Variants in ZMAT4 observed in about 807,000 individuals in gnomAD.
ZMAT4 encodes the protein zinc finger matrin-type 4.
In ZMAT4, 17 loss-of-function variants were observed where a neutral mutation model predicts 28.7. The observed-to-expected ratio is 0.59, with a 90% confidence interval of 0.41 to 0.89. The LOEUF (loss-of-function observed/expected upper bound fraction) is 0.89, where lower values mean the gene tolerates loss of function less well. Ranked by LOEUF, ZMAT4 falls within the 40% of genes least tolerant of loss-of-function variation. The pLI, the probability that ZMAT4 is intolerant of heterozygous loss-of-function variation, is 0.00. For missense variants in ZMAT4, 240 were observed against 283.8 expected (o/e 0.85, Z 1.11); for synonymous variants, 117 against 109.2 (o/e 1.07, Z -0.44).
intron 5 of ZMAT4, among the ~76,000 whole-genome samples, chr8:40,660,740 C>T (rs1354570498): frequency 6.6e-6 from 1 of 152,126 alleles, no homozygotes; most frequent in African/African-American, 2.4e-5. Flanking sequence ...CTTGGGGAAA[C>T]ATTTACATAA....
At chr8:40,884,538 A>C (rs72632903) in intron 1 of ZMAT4, 31,520 of 151,924 alleles carry the variant, frequency 0.21, 3,385 homozygotes, top group African/African-American at 0.24. Flanking sequence ...CCTCATCCTC[A>C]ACCAAAGTGC....
At chr8:40,787,007 C>T (rs1174980903) in intron 2 of ZMAT4, among the ~76,000 whole-genome samples, 2 of 152,078 alleles carry the variant, frequency 1.3e-5, no homozygotes, top group African/African-American at 4.8e-5. Flanking sequence ...AAGAGTGGTA[C>T]ATAAATTAAT....
chr8:40,563,132 A>G (rs1803801673), intron 6 of ZMAT4, among the ~76,000 whole-genome samples: 1 of 152,074 alleles, frequency 6.6e-6, no homozygotes, highest in Non-Finnish European at 1.5e-5. Context: ...CGGCATCTTC[A>G]TCTGAATGTT....
At chr8:40,875,372 G>C (rs1472916221) in intron 1 of ZMAT4, among the ~76,000 whole-genome samples, 5 of 152,098 alleles carry the variant, frequency 3.3e-5, no homozygotes, top group Non-Finnish European at 7.3e-5. Context: ...CGCATGTTGA[G>C]GGGGAGACAA....
At chr8:40,891,381 C>T (rs1371285544) in intron 1 of ZMAT4, among the ~76,000 whole-genome samples, 5 of 150,706 alleles carry the variant, frequency 3.3e-5, no homozygotes, top group Non-Finnish European at 7.4e-5. Context: ...CTTGGGTTCT[C>T]TCCATGGGCC....
intron 1 of ZMAT4, among the ~76,000 whole-genome samples, chr8:40,859,247 A>C (rs543859055): frequency 1.3e-5 from 2 of 152,298 alleles, no homozygotes; most frequent in South Asian, 2.1e-4. Flanking sequence ...CATCCCAGGT[A>C]GCTCTCCCTT....
intron 1 of ZMAT4, among the ~76,000 whole-genome samples, chr8:40,864,064 G>A (rs1242984430): frequency 1.3e-5 from 2 of 152,212 alleles, no homozygotes; most frequent in Non-Finnish European, 2.9e-5. Flanking sequence ...CTGATTCCCG[G>A]ATTAAATAAC....
intron 3 of ZMAT4, among the ~76,000 whole-genome samples, chr8:40,733,124 A>T (rs539275448): frequency 2.0e-5 from 3 of 152,076 alleles, no homozygotes; most frequent in African/African-American, 7.2e-5. Context: ...GCAAAACCCA[A>T]CATGTTTGGC....
At chr8:40,553,966 G>T (rs182526657) in intron 6 of ZMAT4, among the ~76,000 whole-genome samples, 1 of 151,972 alleles carries the variant, frequency 6.6e-6, no homozygotes, top group Non-Finnish European at 1.5e-5. Flanking sequence ...GACTCTCAAG[G>T]GTGAAAGAAA....
chr8:40,536,993 A>C (rs2118361177), intron 6 of ZMAT4, among the ~76,000 whole-genome samples: 1 of 152,298 alleles, frequency 6.6e-6, no homozygotes, highest in East Asian at 1.9e-4. Flanking sequence ...TGTTCTCTGC[A>C]TGTTGATAGC....
intron 5 of ZMAT4, among the ~76,000 whole-genome samples, chr8:40,646,883 T>TA (rs1317643291): frequency 6.6e-6 from 1 of 152,172 alleles, no homozygotes; most frequent in Non-Finnish European, 1.5e-5. Flanking sequence ...ACTTCACTCG[T>TA]AAAAAACAGT....
At chr8:40,806,040 T>G (rs907394171) in intron 2 of ZMAT4, among the ~76,000 whole-genome samples, 1 of 152,130 alleles carries the variant, frequency 6.6e-6, no homozygotes, top group Non-Finnish European at 1.5e-5. Flanking sequence ...AAAAAATATA[T>G]CTTAATTGTT....
intron 6 of ZMAT4, among the ~76,000 whole-genome samples, chr8:40,532,791 A>T (rs1317587633): frequency 6.6e-6 from 1 of 152,092 alleles, no homozygotes; most frequent in African/African-American, 2.4e-5. Flanking sequence ...AGGTCAGGAT[A>T]TCAAGACTAT....
rs527243664 is a variant in ZMAT4 at position 40,825,598 on chromosome 8, A to G, written c.79T>C (p.Ser27Pro). 6.4e-7 allele frequency: 1 copy of G among 1,553,674 alleles called. No individual in the cohort carries two copies. Among genetic ancestry groups the G allele is most frequent in the African/African-American group, 1.4e-5 (1 of 73,484 alleles). ...KVCSAQLISE[S>P]QRVAHYESRK... ...ACCTCGTAGTGGGCCACACGCTGCG[A>G]TTCGGAGATCAGCTGTGCACTGCAC... The change falls in exon 2 of 7, where the codon TCG becomes CCG. Residue 27 changes from serine to proline, a missense_variant. Coordinates refer to ENST00000297737, the MANE Select transcript of ZMAT4 (RefSeq NM_024645.3).
intron 5 of ZMAT4, among the ~76,000 whole-genome samples, chr8:40,590,603 A>C (rs1804859763): frequency 1.3e-5 from 2 of 152,078 alleles, no homozygotes; most frequent in Non-Finnish European, 2.9e-5. Flanking sequence ...ACAACTGTCA[A>C]ACTGAGGGCC....
At chr8:40,863,553 C>G (rs541573425) in intron 1 of ZMAT4, among the ~76,000 whole-genome samples, 5 of 152,282 alleles carry the variant, frequency 3.3e-5, no homozygotes, top group African/African-American at 1.2e-4. Context: ...GTGAGAAGAG[C>G]TGTAGATGAT....
At chr8:40,709,635 A>C (rs1035283733) in intron 3 of ZMAT4, among the ~76,000 whole-genome samples, 4 of 152,258 alleles carry the variant, frequency 2.6e-5, no homozygotes, top group African/African-American at 9.6e-5. Context: ...GTGAGAAAAC[A>C]GGCCAGAACT....
At chr8:40,801,245 G>A (rs1021713894) in intron 2 of ZMAT4, among the ~76,000 whole-genome samples, 4 of 150,336 alleles carry the variant, frequency 2.7e-5, no homozygotes, top group South Asian at 4.2e-4. Context: ...AAAACAGAAA[G>A]CACCAGACGT....
At chr8:40,744,845 G>A (rs539299582) in intron 3 of ZMAT4, among the ~76,000 whole-genome samples, 1 of 152,302 alleles carries the variant, frequency 6.6e-6, no homozygotes, top group South Asian at 2.1e-4. Context: ...GCTCTAGTTC[G>A]GCAGCCCTTA....
Sources: gnomAD v4.1 joint callset for allele counts (sites outside exome capture counted in the v4.1 genomes callset) on GRCh38, gnomAD v4.1.1 for gene constraint, MANE v1.5 for transcripts, NCBI Gene and HGNC (gene_info 2026-07-23, HGNC 2026-07-21) for gene names.